APBA1: variants seen among roughly 807,000 people sequenced by gnomAD.
The protein encoded by APBA1 is amyloid beta precursor protein binding family A member 1, also known as amyloid-beta A4 precursor protein-binding family A member 1.
Under a neutral mutation model 86.6 loss-of-function variants are expected in APBA1, and 55 were observed. The observed-to-expected ratio is 0.64, with a 90% confidence interval of 0.51 to 0.80. The LOEUF (loss-of-function observed/expected upper bound fraction) is 0.80, where lower values mean the gene tolerates loss of function less well. APBA1 is among the 30% of genes least tolerant of loss of function. APBA1 has a pLI of 0.00. For synonymous variants in APBA1, 511 were observed against 493.9 expected (o/e 1.03, Z -0.46); for missense variants, 1,090 against 1,183.0 (o/e 0.92, Z 1.15).
chr9:69,453,581 C>T (rs370880176), intron 8 of APBA1, among the ~76,000 whole-genome samples: 38 of 152,342 alleles, frequency 2.5e-4, no homozygotes, highest in African/African-American at 7.5e-4. Context: ...ATCTGCATAT[C>T]GATTCTATGA....
At chr9:69,612,410 A>G (rs1822608215) in intron 1 of APBA1, among the ~76,000 whole-genome samples, 1 of 152,092 alleles carries the variant, frequency 6.6e-6, no homozygotes, top group African/African-American at 2.4e-5. Flanking sequence ...ATAGATACTC[A>G]TTAAATGTCT....
chr9:69,549,561 T>G (rs1005287095), intron 1 of APBA1, among the ~76,000 whole-genome samples: 7 of 152,184 alleles, frequency 4.6e-5, no homozygotes, highest in African/African-American at 1.7e-4. Context: ...AACTCTCAAG[T>G]TCGTCTACGA....
Position 69,430,731 on chromosome 9 carries a change from T to G in APBA1, c.*596A>C, listed in dbSNP as rs1834575175. ...TTTTATCCTGGGGTGAGAAGGCTCG[T>G]ATTAGAAAACACACATACGTTGAAA... is the stretch of plus-strand genomic sequence containing the variant. On this transcript the variant is annotated 3_prime_UTR_variant, in exon 13 of 13. Coordinates refer to ENST00000265381, the MANE Select transcript of APBA1 (RefSeq NM_001163.4). 6.6e-6 allele frequency: 1 copy of G among 152,512 alleles called. No individual in the cohort carries two copies. Among genetic ancestry groups the G allele is most frequent in the African/African-American group, 2.4e-5 (1 of 41,418 alleles). 9.4% of individuals were successfully genotyped at this position (152,512 alleles called of 1,614,324 possible). A position where few individuals can be genotyped will look rare whatever the true frequency, so the allele number is the denominator to read the frequency against.
Position 69,432,684 on chromosome 9 carries a change from A to C in APBA1, c.2302-8T>G, listed in dbSNP as rs1237355853. 2 of 1,559,238 alleles carry C rather than the reference A, an allele frequency of 1.3e-6. No individual in the cohort carries two copies. The highest frequency in any genetic ancestry group is 2.7e-5 in the African/African-American group (2 of 73,418). On this transcript the variant is annotated splice_region_variant and splice_polypyrimidine_tract_variant and intron_variant, in intron 11 of 12. Transcript: ENST00000265381. ...TCGCATGAGGCTGCAGATCTGCCAG[A>C]GTCAAAGGCAGAGTTACCCTCATTG...
chr9:69,567,574 T>A (rs1837048442), intron 1 of APBA1, among the ~76,000 whole-genome samples: 1 of 150,984 alleles, frequency 6.6e-6, no homozygotes, highest in South Asian at 2.1e-4. Context: ...CCCTCCCCCC[T>A]CCACAACCCC....
At chr9:69,472,354 T>C (rs1339635448) in intron 3 of APBA1, 2 of 152,314 alleles carry the variant, frequency 1.3e-5, no homozygotes, top group Non-Finnish European at 2.9e-5. Context: ...AGACACCTTT[T>C]AGAGCCTGAC....
intron 2 of APBA1, among the ~76,000 whole-genome samples, chr9:69,496,710 G>C (rs1242303270): frequency 6.6e-6 from 1 of 151,942 alleles, no homozygotes; most frequent in South Asian, 2.1e-4. Flanking sequence ...TACAGCACTG[G>C]GCATCTCTCA....
At chr9:69,449,878 G>T in intron 9 of APBA1, 82 bp from the exon 10 acceptor site, 2 of 1,288,740 alleles carry the variant, frequency 1.6e-6, no homozygotes, top group Non-Finnish European at 2.1e-6. Flanking sequence ...CCCCATTCCT[G>T]TCTTGCCTAA....
chr9:69,606,298 G>A (rs1158899127), intron 1 of APBA1, among the ~76,000 whole-genome samples: 1 of 152,148 alleles, frequency 6.6e-6, no homozygotes, highest in Non-Finnish European at 1.5e-5. Flanking sequence ...TAGAATATGT[G>A]ACATTAGCAC....
intron 1 of APBA1, among the ~76,000 whole-genome samples, chr9:69,587,893 T>C (rs2133962178): frequency 6.6e-6 from 1 of 151,836 alleles, no homozygotes; most frequent in East Asian, 1.9e-4. Flanking sequence ...GGGCATGGTG[T>C]TGGGTGCCTG....
At chr9:69,535,455 A>AC (rs1836493838) in intron 1 of APBA1, among the ~76,000 whole-genome samples, 1 of 152,104 alleles carries the variant, frequency 6.6e-6, no homozygotes, top group African/African-American at 2.4e-5. Flanking sequence ...GTGTTTGGAA[A>AC]TTTTTGGAAG....
rs190302462 is a variant in APBA1, at chr9:69,476,715, C to T, written c.1201-572G>A. Among the ~76,000 whole-genome samples the T allele has an allele frequency of 8.6e-4, 131 of 152,318 alleles. 1 individual carries two copies. Among genetic ancestry groups the T allele is most frequent in the African/African-American group, 3.0e-3 (125 of 41,568 alleles). ...ATTCAGAGACATTTCAGCATTTTAACATCCAAACACTACCCTGGATGCTCT... is the reference window on the plus strand; with the variant it reads ...ATTCAGAGACATTTCAGCATTTTAATATCCAAACACTACCCTGGATGCTCT... On this transcript the variant is annotated intron_variant, in intron 2 of 12. Coordinates refer to ENST00000265381, the MANE Select transcript of APBA1 (RefSeq NM_001163.4).
chr9:69,474,624 C>T (rs1235909025), intron 3 of APBA1, among the ~76,000 whole-genome samples: 1 of 152,146 alleles, frequency 6.6e-6, no homozygotes, highest in African/African-American at 2.4e-5. Context: ...AGAAACTGTG[C>T]CCTTGTCACT....
intron 1 of APBA1, among the ~76,000 whole-genome samples, chr9:69,597,100 GT>G (rs1319330415): frequency 6.6e-6 from 1 of 152,198 alleles, no homozygotes; most frequent in African/African-American, 2.4e-5. Context: ...ATGGGTAAAA[GT>G]TTTAAAAGAC....
Position 69,440,987 on chromosome 9 carries a change from TC to T in APBA1, c.2301+8del. On this transcript the variant is annotated splice_region_variant and intron_variant, in intron 11 of 12. Coordinates refer to ENST00000265381, the MANE Select transcript of APBA1 (RefSeq NM_001163.4). ...TTGTGGAAAAGGGTGTGGAAGGTGTTCTACTTACAATTCCATTCTGGACGCT... is the reference window on the plus strand; with the variant it reads ...TTGTGGAAAAGGGTGTGGAAGGTGTTTACTTACAATTCCATTCTGGACGCT... 2.5e-6 allele frequency: 4 copies of T among 1,612,678 alleles called. No individual in the cohort carries two copies. Among genetic ancestry groups the T allele is most frequent in the Non-Finnish European group, 3.4e-6 (4 of 1,179,374 alleles).
At chr9:69,474,904 A>G (rs2781540) in intron 3 of APBA1, among the ~76,000 whole-genome samples, 82,268 of 152,092 alleles carry the variant, frequency 0.54, 23,488 homozygotes, top group African/African-American at 0.72. Context: ...TTTCTTTTTC[A>G]TTGCATTTAA....
At chr9:69,498,809 A>G (rs1018459324) in intron 2 of APBA1, among the ~76,000 whole-genome samples, 3 of 152,182 alleles carry the variant, frequency 2.0e-5, no homozygotes, top group African/African-American at 7.2e-5. Context: ...CTTTGAGGCC[A>G]TATTTCTTAT....
intron 1 of APBA1, among the ~76,000 whole-genome samples, chr9:69,555,281 G>A (rs1232174391): frequency 6.6e-6 from 1 of 152,196 alleles, no homozygotes; most frequent in Non-Finnish European, 1.5e-5. Flanking sequence ...CGAGGGAATA[G>A]AAGGAATGGA....
chr9:69,493,980 T>A (rs942889646), intron 2 of APBA1, among the ~76,000 whole-genome samples: 42 of 151,694 alleles, frequency 2.8e-4, no homozygotes, highest in African/African-American at 8.7e-4. Flanking sequence ...ATATGATAAG[T>A]TTTTTTTTCT....
Sources: gnomAD v4.1 joint callset for allele counts (sites outside exome capture counted in the v4.1 genomes callset) on GRCh38, gnomAD v4.1.1 for gene constraint, MANE v1.5 for transcripts, NCBI Gene and HGNC (gene_info 2026-07-23, HGNC 2026-07-21) for gene names.